EPHA3: variants seen among roughly 807,000 people sequenced by gnomAD.
The protein encoded by EPHA3 is EPH receptor A3.
EPHA3 carries 42 observed loss-of-function variants against 107.1 expected under a neutral mutation model. That is an observed-to-expected ratio of 0.39 (90% CI 0.31 to 0.51). The LOEUF (loss-of-function observed/expected upper bound fraction) is 0.51. Among genes scored for constraint, EPHA3 ranks in the 20% least tolerant of loss-of-function variants. The probability of loss-of-function intolerance (pLI) is 0.78; values close to 1 mark genes in which losing one functional copy is unlikely to be tolerated. For synonymous variants in EPHA3, 461 were observed against 424.8 expected (o/e 1.09, Z -1.05); for missense variants, 1,183 against 1,211.2 (o/e 0.98, Z 0.35).
At chr3:89,250,403 G>A (rs779399020) in intron 3 of EPHA3, among the ~76,000 whole-genome samples, 4 of 152,028 alleles carry the variant, frequency 2.6e-5, no homozygotes, top group African/African-American at 7.2e-5. Flanking sequence ...TAACATCAAG[G>A]TATTGCTATT....
intron 13 of EPHA3, among the ~76,000 whole-genome samples, chr3:89,448,820 C>T (rs1015611331): frequency 1.3e-5 from 2 of 151,978 alleles, no homozygotes; most frequent in African/African-American, 4.8e-5. Context: ...TTCTGAACTT[C>T]GATTGCTTGG....
chr3:89,452,036 A>G (rs1710003338), intron 15 of EPHA3, among the ~76,000 whole-genome samples: 1 of 152,154 alleles, frequency 6.6e-6, no homozygotes, highest in Non-Finnish European at 1.5e-5. Context: ...TCTAAAATCA[A>G]TGCCCCTGAA....
At chr3:89,273,574 T>C (rs1435543635) in intron 3 of EPHA3, among the ~76,000 whole-genome samples, 1 of 151,922 alleles carries the variant, frequency 6.6e-6, no homozygotes, top group Non-Finnish European at 1.5e-5. Flanking sequence ...TTGTAGTGTT[T>C]ACAGTAAGTT....
chr3:89,334,922 G>A (rs1007737657), intron 3 of EPHA3, among the ~76,000 whole-genome samples: 3 of 152,074 alleles, frequency 2.0e-5, no homozygotes, highest in Admixed American at 6.6e-5. Flanking sequence ...GAAGTATTGG[G>A]ATAAAAAGAA....
At chr3:89,397,322 G>C (rs1478695569) in intron 6 of EPHA3, among the ~76,000 whole-genome samples, 1 of 152,046 alleles carries the variant, frequency 6.6e-6, no homozygotes, top group Non-Finnish European at 1.5e-5. Flanking sequence ...ATAGGATTGT[G>C]ATCTATTTTC....
intron 3 of EPHA3, among the ~76,000 whole-genome samples, chr3:89,247,952 T>C (rs1361582422): frequency 6.6e-6 from 1 of 152,188 alleles, no homozygotes; most frequent in Non-Finnish European, 1.5e-5. Context: ...TCCTTGATGT[T>C]CTTTGTCTAT....
At chr3:89,195,630 T>G (rs1452742431) in intron 2 of EPHA3, among the ~76,000 whole-genome samples, 1 of 152,166 alleles carries the variant, frequency 6.6e-6, no homozygotes, top group East Asian at 1.9e-4. Flanking sequence ...AATATTTCTC[T>G]CATTCAAAAA....
intron 3 of EPHA3, among the ~76,000 whole-genome samples, chr3:89,309,603 T>C (rs1431043079): frequency 6.6e-6 from 1 of 152,146 alleles, no homozygotes; most frequent in Non-Finnish European, 1.5e-5. Flanking sequence ...CTATCCCATA[T>C]TGGGGCACCA....
At chr3:89,216,702 A>T (rs542340697) in intron 3 of EPHA3, among the ~76,000 whole-genome samples, 27 of 152,256 alleles carry the variant, frequency 1.8e-4, no homozygotes, top group African/African-American at 6.0e-4. Flanking sequence ...TGTAAAGAAC[A>T]TTCATCTTCA....
rs369150999 is a variant in EPHA3, at chr3:89,209,988, G to T, written c.282G>T (p.Lys94Asn). Reference protein sequence around the residue: ...TNWVPRNSAQKIYVELKFTLR... With the variant: ...TNWVPRNSAQNIYVELKFTLR... ...GGGTCCCCAGGAACTCAGCTCAGAA[G>T]ATTTATGTGGAGCTCAAGTTCACTC... is the stretch of plus-strand genomic sequence containing the variant. The change falls in exon 3 of 17, where the codon AAG becomes AAT. Residue 94 changes from lysine (K) to asparagine (N), a missense_variant. By Grantham distance (94) the Lys-to-Asn change is moderately conservative. Transcript: ENST00000336596. 3.7e-6 allele frequency: 6 copies of T among 1,613,838 alleles called. No homozygotes were observed. In the African/African-American group the frequency reaches 6.7e-5, roughly 18 times the overall value.
intron 2 of EPHA3, among the ~76,000 whole-genome samples, chr3:89,131,926 C>A (rs1237459876): frequency 6.6e-6 from 1 of 152,150 alleles, no homozygotes; most frequent in Admixed American, 6.5e-5. Flanking sequence ...AAGTTTTCAC[C>A]CTCCCAGGTG....
intron 3 of EPHA3, among the ~76,000 whole-genome samples, chr3:89,232,830 A>G (rs1268667941): frequency 2.0e-5 from 3 of 152,216 alleles, no homozygotes; most frequent in Admixed American, 6.5e-5. Flanking sequence ...CTATTTGCCT[A>G]TCATTCATTG....
At chr3:89,223,272 C>A (rs188757986) in intron 3 of EPHA3, among the ~76,000 whole-genome samples, 3 of 152,142 alleles carry the variant, frequency 2.0e-5, no homozygotes, top group East Asian at 1.9e-4. Flanking sequence ...TGCTTCAGTG[C>A]GGAACTATTA....
At chr3:89,349,743 A>G (rs1284447021) in intron 5 of EPHA3, among the ~76,000 whole-genome samples, 1 of 150,548 alleles carries the variant, frequency 6.6e-6, no homozygotes, top group African/African-American at 2.4e-5. Context: ...ATGATTTTGC[A>G]GCAGCTGGTA....
At chr3:89,208,462 G>GAAAGAAAGAAAGAAAGAGAGAA (rs1706174239) in intron 2 of EPHA3, among the ~76,000 whole-genome samples, 1 of 104,460 alleles carries the variant, frequency 9.6e-6, no homozygotes, top group Non-Finnish European at 1.8e-5. Context: ...AAGAAAGAAA[G>GAAAGAAAGAAAGAAAGAGAGAA]AAAGAAAGAA....
chr3:89,449,929 C>T (rs533356284), intron 14 of EPHA3, among the ~76,000 whole-genome samples: 35 of 152,144 alleles, frequency 2.3e-4, no homozygotes, highest in Non-Finnish European at 4.1e-4. Flanking sequence ...TTTATTTTAA[C>T]CCAAAAAGGA....
At chr3:89,472,375 A>G in intron 15 of EPHA3, 89 bp from the exon 16 acceptor site, 1 of 1,352,428 alleles carries the variant, frequency 7.4e-7, no homozygotes, top group Non-Finnish European at 1.0e-6. Flanking sequence ...GAAGTCTGGA[A>G]GTTCCTGCCG....
At chr3:89,195,401 C>T (rs1705816003) in intron 2 of EPHA3, among the ~76,000 whole-genome samples, 1 of 152,096 alleles carries the variant, frequency 6.6e-6, no homozygotes, top group Non-Finnish European at 1.5e-5. Context: ...CCCTCCTAAG[C>T]TTCATTTTGT....
At chr3:89,142,455 C>A (rs1056492072) in intron 2 of EPHA3, among the ~76,000 whole-genome samples, 2 of 151,154 alleles carry the variant, frequency 1.3e-5, no homozygotes, top group African/African-American at 4.8e-5. Context: ...ACTTTTGTGG[C>A]CATAGGCCTG....
Sources: allele counts gnomAD v4.1 joint callset (sites outside exome capture counted in the v4.1 genomes callset), GRCh38; gene constraint gnomAD v4.1.1; transcripts MANE v1.5; gene names NCBI Gene and HGNC (gene_info 2026-07-23, HGNC 2026-07-21).